Variants in MIOS observed in about 807,000 individuals in gnomAD.
The protein encoded by MIOS is meiosis regulator for oocyte development, also known as GATOR2 complex protein MIOS.
A neutral mutation model predicts 96.9 loss-of-function variants in MIOS; 52 were observed. The ratio of observed to expected loss-of-function variants is 0.54; its 90% CI spans 0.43 to 0.68. MIOS has a LOEUF of 0.68. Ranked by LOEUF, MIOS falls within the 30% of genes least tolerant of loss-of-function variation. The pLI, the probability that MIOS is intolerant of heterozygous loss-of-function variation, is 0.00. For synonymous variants in MIOS, 397 were observed against 359.5 expected (o/e 1.10, Z -1.18); for missense variants, 1,005 against 1,052.8 (o/e 0.95, Z 0.63).
intron 11 of MIOS, among the ~76,000 whole-genome samples, chr7:7,598,025 G>T (rs1784267901): frequency 6.6e-6 from 1 of 152,082 alleles, no homozygotes; most frequent in African/African-American, 2.4e-5. Context: ...TAAACATATG[G>T]GAAAAAATTT....
chr7:7,601,199 G>T (rs993193349), intron 11 of MIOS, among the ~76,000 whole-genome samples: 2 of 151,720 alleles, frequency 1.3e-5, no homozygotes, highest in African/African-American at 4.8e-5. Flanking sequence ...CTAGCAAAAG[G>T]CAAGAAATAA....
Position 7,584,911 on chromosome 7 carries a change from C to G in MIOS, c.1649-725C>G, listed in dbSNP as rs76425632. 3.4e-3 allele frequency among the ~76,000 whole-genome samples: 523 copies of G among 152,228 alleles called. 8 individuals carry two copies. Among genetic ancestry groups the G allele is most frequent in the African/African-American group, 0.011 (455 of 41,558 alleles). ...TTTAAAAGACTATTGGTAACAAATG[C>G]TTTCTTGCAAATGGGTCTAAATGCA... On this transcript the variant is annotated intron_variant, in intron 6 of 12. Transcript: ENST00000340080.
At chr7:7,585,898 A>G (rs747447491) in intron 7 of MIOS, 93 bp downstream of exon 7, 21 of 1,178,368 alleles carry the variant, frequency 1.8e-5, no homozygotes, top group African/African-American at 3.2e-5. Context: ...GTTGCATAAA[A>G]TATTATATTT....
intron 11 of MIOS, among the ~76,000 whole-genome samples, chr7:7,602,205 T>C (rs1583659485): frequency 1.3e-5 from 2 of 152,160 alleles, no homozygotes; most frequent in East Asian, 3.8e-4. Context: ...TTCAACATAG[T>C]GTTGGAAGTT....
chr7:7,591,554 A>G (rs955719027), intron 9 of MIOS, among the ~76,000 whole-genome samples: 4 of 152,192 alleles, frequency 2.6e-5, no homozygotes, highest in African/African-American at 7.2e-5. Flanking sequence ...TGTTAGGATT[A>G]CAGGCATGAG....
Position 7,596,453 on chromosome 7 carries a change from G to C in MIOS, c.2393G>C (p.Ser798Thr). The change falls in exon 11 of 13, where the codon AGC (serine) becomes ACC (threonine). Residue 798 changes from serine (S) to threonine (T), a missense_variant. By Grantham distance (58) the Ser-to-Thr change is moderately conservative. This residue lies in a region of MIOS where 865 missense variants were observed against 887.9 expected (regional missense o/e 0.97). Coordinates refer to ENST00000340080, the MANE Select transcript of MIOS (RefSeq NM_019005.4). ...ATTAATATGGGAACACCAGTTTCTA[G>C]CTGTCCTGGTATGACATAATTTTAC... ...CLINMGTPVS[S>T]CPGGTKSDEK... The C allele has an allele frequency of 6.2e-7, 1 of 1,613,586 alleles. No homozygotes were observed. The highest frequency in any genetic ancestry group is 8.5e-7 in the Non-Finnish European group (1 of 1,179,676).
chr7:7,586,728 A>G (rs756693279), intron 7 of MIOS, among the ~76,000 whole-genome samples: 15 of 152,164 alleles, frequency 9.9e-5, no homozygotes, highest in Non-Finnish European at 1.5e-4. Flanking sequence ...TTACTATTGA[A>G]CTTTTTCTGA....
rs1583650405 is a variant in MIOS at position 7,595,007 on chromosome 7, G to A, written c.2071G>A (p.Glu691Lys). The A allele has an allele frequency of 6.2e-7, 1 of 1,608,142 alleles. No individual in the cohort carries two copies. The highest frequency in any genetic ancestry group is 2.2e-5 in the East Asian group (1 of 44,770). ...QGSPLDVLKD[E>K]RVQYWIENYR... ...TTCACCTTTAGATGTTCTTAAAGAT[G>A]AAAGGGTTCAGTACTGGATTGAGAA... is the stretch of plus-strand genomic sequence containing the variant. The change falls in exon 10 of 13, where the codon GAA (glutamate) becomes AAA (lysine). Residue 691 changes from glutamate (E) to lysine (K), a missense_variant. By Grantham distance (56) the Glu-to-Lys change is moderately conservative. This residue lies in a region of MIOS where 865 missense variants were observed against 887.9 expected (regional missense o/e 0.97). Coordinates refer to ENST00000340080, the MANE Select transcript of MIOS (RefSeq NM_019005.4).
rs770094836 is a variant in MIOS at position 7,585,718 on chromosome 7, C to T, written c.1731C>T (p.Ser577=). The T allele has an allele frequency of 6.2e-7, 1 of 1,612,818 alleles. No homozygotes were observed. Among genetic ancestry groups the T allele is most frequent in the Non-Finnish European group, 8.5e-7 (1 of 1,179,342 alleles). Residue 577 remains serine (S), a synonymous_variant, in exon 7 of 13, where the codon AGC becomes AGT. Transcript: ENST00000340080. ...EKNSLWREMC[S]TLRLQLNNPY... ...ACTCCCTTTGGAGAGAAATGTGTAG[C>T]ACACTGCGATTACAGCTAAATAACC...
chr7:7,568,601 A>G (rs1239347470), intron 3 of MIOS, among the ~76,000 whole-genome samples: 1 of 152,242 alleles, frequency 6.6e-6, no homozygotes, highest in Non-Finnish European at 1.5e-5. Flanking sequence ...GCTAGCACTT[A>G]GTTTAATGGC....
Position 7,572,671 on chromosome 7 carries a change from G to A in MIOS, c.196G>A (p.Val66Ile). The A allele has an allele frequency of 1.2e-6, 2 of 1,614,140 alleles. No individual in the cohort carries two copies. The highest frequency in any genetic ancestry group is 2.7e-5 in the African/African-American group (2 of 75,038). Residue 66 changes from valine to isoleucine, a missense_variant, in exon 4 of 13, where the codon GTT (valine) becomes ATT (isoleucine). Val to Ile is a conservative substitution (Grantham distance 29, BLOSUM62 3). This residue lies in a region of MIOS where 137 missense variants were observed against 148.6 expected (regional missense o/e 0.92). Coordinates refer to ENST00000340080, the MANE Select transcript of MIOS (RefSeq NM_019005.4). This position sits in a 1 kb window ranked among gnomAD's most constrained non-coding sequence, Gnocchi z 4.8. ...TTCAGATACACCCTATATGAAATGT[G>A]TTGCCTGGTATCTTAATTATGATCC... ...INSDTPYMKC[V>I]AWYLNYDPEC...
rs1323413130 is a variant in MIOS at position 7,596,418 on chromosome 7, G to A, written c.2358G>A (p.Ala786=). 4.3e-6 allele frequency: 7 copies of A among 1,613,960 alleles called. No homozygotes were observed. The highest frequency in any genetic ancestry group is 4.0e-5 in the African/African-American group (3 of 74,916). Residue 786 remains alanine, a synonymous_variant, in exon 11 of 13, where the codon GCG becomes GCA. Coordinates refer to ENST00000340080, the MANE Select transcript of MIOS (RefSeq NM_019005.4). ...GTCGAAAACCACTTCCTCGATGTGC[G>A]CTTTGTCTCATTAATATGGGAACAC... ...PGCRKPLPRC[A]LCLINMGTPV...
intron 12 of MIOS, among the ~76,000 whole-genome samples, chr7:7,606,728 T>C (rs1784541029): frequency 6.6e-6 from 1 of 152,182 alleles, no homozygotes; most frequent in Non-Finnish European, 1.5e-5. Context: ...TGATGCTTTT[T>C]TTCTCTGGGT....
At chr7:7,600,557 A>T (rs1232666488) in intron 11 of MIOS, among the ~76,000 whole-genome samples, 2 of 152,210 alleles carry the variant, frequency 1.3e-5, no homozygotes, top group African/African-American at 2.4e-5. Context: ...GAGCACCCAG[A>T]TTCATAAAGC....
chr7:7,568,563 A>C (rs1387107285), intron 3 of MIOS, among the ~76,000 whole-genome samples: 1 of 152,252 alleles, frequency 6.6e-6, no homozygotes, highest in Non-Finnish European at 1.5e-5. Flanking sequence ...CAACCTGTGC[A>C]GTAGCACAGA....
chr7:7,582,966 G>T, intron 5 of MIOS, 152 bp from the exon 6 acceptor site: 1 of 869,974 alleles, frequency 1.1e-6, no homozygotes, highest in Non-Finnish European at 1.7e-6. Context: ...AAAATATGTT[G>T]TATTTGTGGC....
At chr7:7,594,577 G>C (rs1784149613) in intron 9 of MIOS, among the ~76,000 whole-genome samples, 2 of 152,188 alleles carry the variant, frequency 1.3e-5, no homozygotes, top group African/African-American at 4.8e-5. Flanking sequence ...TTACAGGCAT[G>C]AGCCATCACG....
At chr7:7,606,335 TC>T (rs1269321122) in intron 12 of MIOS, among the ~76,000 whole-genome samples, 1 of 152,232 alleles carries the variant, frequency 6.6e-6, no homozygotes, top group Non-Finnish European at 1.5e-5. Context: ...TTAACTTTAT[TC>T]GGGGAGAGGA....
intron 5 of MIOS, among the ~76,000 whole-genome samples, chr7:7,580,870 A>G (rs1396040213): frequency 1.3e-5 from 2 of 150,594 alleles, no homozygotes; most frequent in African/African-American, 2.4e-5. Context: ...TATTTTTAGT[A>G]GAGACCGGGT....
Sources: gnomAD v4.1 joint callset for allele counts (sites outside exome capture counted in the v4.1 genomes callset) on GRCh38, gnomAD v4.1.1 for gene constraint, gnomAD v4.1.1 regional missense constraint, Gnocchi (gnomAD v3.1) non-coding constraint, MANE v1.5 for transcripts, NCBI Gene and HGNC (gene_info 2026-07-23, HGNC 2026-07-21) for gene names.